The following AP4E1 variants were observed in gnomAD, a reference collection of about 807,000 sequenced individuals.
AP4E1 encodes the protein AP-4 complex subunit epsilon-1.
AP4E1 carries 56 observed loss-of-function variants against 128.2 expected under a neutral mutation model. That is an observed-to-expected ratio of 0.44 (90% CI 0.35 to 0.55). The LOEUF is 0.55. AP4E1 is among the 20% of genes least tolerant of loss of function. The pLI, the probability that AP4E1 is intolerant of heterozygous loss-of-function variation, is 0.00. For synonymous variants in AP4E1, 484 were observed against 473.1 expected (o/e 1.02, Z -0.30); for missense variants, 1,324 against 1,307.7 (o/e 1.01, Z -0.19).
At chr15:50,940,205 G>A (rs1243074424) in intron 8 of AP4E1, among the ~76,000 whole-genome samples, 1 of 152,084 alleles carries the variant, frequency 6.6e-6, no homozygotes, top group Non-Finnish European at 1.5e-5. Flanking sequence ...ACATTTTATA[G>A]CATAGCATCT....
At chr15:50,981,475 A>C (rs745471605) in intron 15 of AP4E1, among the ~76,000 whole-genome samples, 11 of 152,188 alleles carry the variant, frequency 7.2e-5, no homozygotes, top group Admixed American at 5.9e-4. Context: ...TCACAGCCCC[A>C]CAGCTGGAGA....
chr15:50,914,650 C>CAAA (rs60591318), intron 2 of AP4E1, among the ~76,000 whole-genome samples: 2 of 93,688 alleles, frequency 2.1e-5, no homozygotes, highest in Non-Finnish European at 4.2e-5. Context: ...GACTCTGTCT[C>CAAA]AAAAAAAAAA....
intron 14 of AP4E1, among the ~76,000 whole-genome samples, chr15:50,967,392 G>A (rs1008475292): frequency 6.6e-6 from 1 of 152,214 alleles, no homozygotes; most frequent in Non-Finnish European, 1.5e-5. Flanking sequence ...TTAGAGAGGA[G>A]AAGGCGAAGT....
In AP4E1 at chr15:50,964,144, G is replaced by C. The variant is rs140608012; in HGVS notation, c.1852-4119G>C. On this transcript the variant is annotated intron_variant, in intron 14 of 20. Coordinates refer to ENST00000261842, the MANE Select transcript of AP4E1 (RefSeq NM_007347.5). ...TTAAACTCTCAAAATTCAAATATTT[G>C]TTTGCTTTATGTTGTCTCATATGTC... Among the ~76,000 whole-genome samples, 946 of 152,182 alleles carry C rather than the reference G, an allele frequency of 6.2e-3. 8 individuals are homozygous for C. The highest frequency in any genetic ancestry group is 0.022 in the African/African-American group (903 of 41,528).
chr15:50,920,173 GC>G (rs2063681589), intron 3 of AP4E1, among the ~76,000 whole-genome samples: 1 of 142,608 alleles, frequency 7.0e-6, no homozygotes. Context: ...GAGTGCAGTG[GC>G]GCTATCTCGG....
intron 16 of AP4E1, 114 bp downstream of exon 16, chr15:50,984,259 A>C: frequency 1.5e-6 from 2 of 1,328,266 alleles, no homozygotes; most frequent in Non-Finnish European, 2.1e-6. Context: ...TGCTTATTTT[A>C]GGATAACTTT....
intron 17 of AP4E1, among the ~76,000 whole-genome samples, chr15:50,995,523 T>TCCC: frequency 6.6e-6 from 1 of 151,782 alleles, no homozygotes; most frequent in African/African-American, 2.4e-5. Flanking sequence ...GTAGCTGGGA[T>TCCC]TACAGGCATG....
intron 15 of AP4E1, among the ~76,000 whole-genome samples, chr15:50,968,634 A>G (rs1185973011): frequency 1.3e-5 from 2 of 151,986 alleles, no homozygotes; most frequent in Non-Finnish European, 2.9e-5. Context: ...TTATTTATTT[A>G]TTTATTTTTT....
At chr15:50,962,329 G>A (rs1020878159) in intron 14 of AP4E1, among the ~76,000 whole-genome samples, 5 of 152,012 alleles carry the variant, frequency 3.3e-5, no homozygotes, top group Admixed American at 2.0e-4. Flanking sequence ...GAACAAAGCT[G>A]GAGGCATCAC....
At position 50,909,084 on chromosome 15, in the gene AP4E1, A is replaced by G. The variant is rs72742383; in HGVS notation, c.150+156A>G. ...CGGTTCGTCCTTTCGTCTGCCTGGA[A>G]GCTTCACTTTCCTGCTGGGACTGAC... On this transcript the variant is annotated intron_variant, in intron 1 of 20. Coordinates refer to ENST00000261842, the MANE Select transcript of AP4E1 (RefSeq NM_007347.5). 0.13 allele frequency among the ~76,000 whole-genome samples: 19,819 copies of G among 152,240 alleles called. 1,806 individuals carry two copies. The highest frequency in any genetic ancestry group is 0.26 in the Admixed American group (3,954 of 15,290).
chr15:50,956,469 G>A (rs1333168492), intron 13 of AP4E1, among the ~76,000 whole-genome samples: 1 of 152,102 alleles, frequency 6.6e-6, no homozygotes, highest in African/African-American at 2.4e-5. Context: ...CTGCTATGAA[G>A]AAATATCCGA....
intron 13 of AP4E1, among the ~76,000 whole-genome samples, chr15:50,954,624 A>G (rs968332693): frequency 2.0e-5 from 3 of 152,172 alleles, no homozygotes; most frequent in Admixed American, 6.5e-5. Flanking sequence ...AATACTATGT[A>G]TGATTTCAGT....
chr15:50,950,185 T>A lies in AP4E1; in HGVS notation c.1548+16T>A. The A allele has an allele frequency of 6.7e-7, 1 of 1,481,518 alleles. No homozygotes were observed. The highest frequency in any genetic ancestry group is 9.4e-7 in the Non-Finnish European group (1 of 1,065,888). The allele number at this position is 1,481,518 out of a possible 1,614,324, so 91.8% of individuals were successfully genotyped here. A position where few individuals can be genotyped will look rare whatever the true frequency, so the allele number is the denominator to read the frequency against. On this transcript the variant is annotated intron_variant, in intron 13 of 20. Transcript: ENST00000261842. ...TATGAGTTGGGTGAGCAAAGTACCT[T>A]AAATCATAAATTTTTATAACATTTT...
In AP4E1 at chr15:50,950,037, C is replaced by T. The variant is rs1392758758; in HGVS notation, c.1430-14C>T. ...GTTTGTGGAAATTAAAATGGTGTAT[C>T]AATTTCTTTGTAGGTTTTGATGATG... is the stretch of plus-strand genomic sequence containing the variant. On this transcript the variant is annotated splice_polypyrimidine_tract_variant and intron_variant, in intron 12 of 20. Coordinates refer to ENST00000261842, the MANE Select transcript of AP4E1 (RefSeq NM_007347.5). The T allele has an allele frequency of 6.3e-7, 1 of 1,598,428 alleles. No homozygotes were observed. The highest frequency in any genetic ancestry group is 8.6e-7 in the Non-Finnish European group (1 of 1,166,130).
In AP4E1 at chr15:51,002,839, AC is replaced by A; in HGVS notation, c.*179del. On this transcript the variant is annotated 3_prime_UTR_variant, in exon 21 of 21. Transcript: ENST00000261842. Reference sequence around the variant, plus strand: ...AAAGATCCCCAAAACTGTATCCCTAACCTTTAACTCAGGATTGTACAGTATG... The same window carrying A: ...AAAGATCCCCAAAACTGTATCCCTAACTTTAACTCAGGATTGTACAGTATG... The A allele has an allele frequency of 1.3e-6, 1 of 768,722 alleles. No individual in the cohort carries two copies. Among genetic ancestry groups the A allele is most frequent in the Admixed American group, 2.3e-5 (1 of 43,640 alleles). The allele number at this position is 768,722 out of a possible 1,614,324, so 47.6% of individuals were successfully genotyped here. A position where few individuals can be genotyped will look rare whatever the true frequency, so the allele number is the denominator to read the frequency against.
At chr15:50,998,395 G>GC (rs2064910352) in intron 18 of AP4E1, among the ~76,000 whole-genome samples, 1 of 151,942 alleles carries the variant, frequency 6.6e-6, no homozygotes, top group Non-Finnish European at 1.5e-5. Flanking sequence ...ACTTTGGGAG[G>GC]CTGAGGTGGG....
chr15:50,908,756 C>A lies in AP4E1; in HGVS notation c.-23C>A, dbSNP rs766895302. On this transcript the variant is annotated 5_prime_UTR_variant, in exon 1 of 21. Transcript: ENST00000261842. ...GCGGCTACGGGATCGCGGGCGGCGG[C>A]GGCATCGCGGGCGGCGGCGGCGATG... 1 of 1,510,990 alleles carries A rather than the reference C, an allele frequency of 6.6e-7. No homozygotes were observed. 93.6% of individuals were successfully genotyped at this position (1,510,990 alleles called of 1,614,324 possible).
intron 14 of AP4E1, among the ~76,000 whole-genome samples, chr15:50,965,164 A>C (rs1453441386): frequency 1.3e-5 from 2 of 151,528 alleles, no homozygotes; most frequent in Non-Finnish European, 2.9e-5. Context: ...TTTTTTTCTT[A>C]TAAATTACCC....
chr15:50,958,761 G>C lies in AP4E1; in HGVS notation c.1818G>C (p.Leu606Phe). 6.2e-7 allele frequency: 1 copy of C among 1,614,134 alleles called. No individual in the cohort carries two copies. Among genetic ancestry groups the C allele is most frequent in the Non-Finnish European group, 8.5e-7 (1 of 1,180,002 alleles). The change falls in exon 14 of 21, where the codon TTG becomes TTC. Residue 606 changes from leucine to phenylalanine, a missense_variant. By Grantham distance (22) the Leu-to-Phe change is conservative (BLOSUM62 0). Coordinates refer to ENST00000261842, the MANE Select transcript of AP4E1 (RefSeq NM_007347.5). ...AGAATGTGGAACTTATGAAGAGCTT[G>C]CTTCCAGTTGACAGGAGTTGTGAAG... Reference protein sequence around the residue: ...LHENVELMKSLLPVDRSCEDL... With the variant: ...LHENVELMKSFLPVDRSCEDL...
Sources: allele counts gnomAD v4.1 joint callset (sites outside exome capture counted in the v4.1 genomes callset), GRCh38; gene constraint gnomAD v4.1.1; transcripts MANE v1.5; gene names NCBI Gene and HGNC (gene_info 2026-07-23, HGNC 2026-07-21).